Variants in GLI2 observed in about 807,000 individuals in gnomAD.
GLI2 encodes the protein transcription activator GLI2.
Under a neutral mutation model 78.9 loss-of-function variants are expected in GLI2, and 22 were observed. The observed-to-expected ratio is 0.28, with a 90% CI of 0.20 to 0.40. The LOEUF (loss-of-function observed/expected upper bound fraction) is 0.40, where lower values mean the gene tolerates loss of function less well. GLI2 is among the 10% of genes least tolerant of loss of function. The pLI is 1.00. For synonymous variants in GLI2, 974 were observed against 963.7 expected (o/e 1.01, Z -0.20); for missense variants, 2,097 against 2,213.2 (o/e 0.95, Z 1.05).
intron 3 of GLI2, among the ~76,000 whole-genome samples, chr2:120,948,228 A>G (rs897341204): frequency 6.6e-6 from 1 of 152,262 alleles, no homozygotes; most frequent in East Asian, 1.9e-4. Context: ...GGTCAAGTGC[A>G]GTGGTTGGTT....
At chr2:120,840,660 C>T (rs1260778646) in intron 2 of GLI2, among the ~76,000 whole-genome samples, 2 of 152,180 alleles carry the variant, frequency 1.3e-5, no homozygotes, top group Non-Finnish European at 2.9e-5. Context: ...TACAAACACT[C>T]AGAAGATACT....
chr2:120,915,732 A>G (rs976983862), intron 2 of GLI2, among the ~76,000 whole-genome samples: 1 of 152,118 alleles, frequency 6.6e-6, no homozygotes, highest in African/African-American at 2.4e-5. Context: ...CTCCCTAGCA[A>G]GGGGAGAAAG....
In GLI2 at chr2:120,990,173, C is replaced by T. The variant is rs370136073; in HGVS notation, c.4208C>T (p.Ala1403Val). 1.2e-5 allele frequency: 20 copies of T among 1,612,508 alleles called. No homozygotes were observed. Among genetic ancestry groups the T allele is most frequent in the Admixed American group, 5.0e-5 (3 of 59,986 alleles). Residue 1403 changes from alanine (A) to valine (V), a missense_variant, in exon 14 of 14, where the codon GCG becomes GTG. This residue lies in a region of GLI2 where 1,290 missense variants were observed against 1,261.7 expected (regional missense o/e 1.02). Coordinates refer to ENST00000361492, the MANE Select transcript of GLI2 (RefSeq NM_001374353.1). ...QETAEAVPKG[A>V]MGNMGSVPPQ... ...ACAGCAGAGGCTGTGCCCAAGGGAG[C>T]GATGGGCAACATGGGGTCGGTGCCT... is the stretch of plus-strand genomic sequence containing the variant.
chr2:120,904,514 C>T (rs1678421368), intron 2 of GLI2, among the ~76,000 whole-genome samples: 1 of 152,166 alleles, frequency 6.6e-6, no homozygotes, highest in African/African-American at 2.4e-5. Flanking sequence ...CTCCTGGGTG[C>T]AGGACAGGGT....
chr2:120,791,673 A>G (rs1684162484), intron 1 of GLI2, among the ~76,000 whole-genome samples: 1 of 152,110 alleles, frequency 6.6e-6, no homozygotes, highest in Non-Finnish European at 1.5e-5. Context: ...TGCATGTGTG[A>G]GTGTTCATGT....
intron 2 of GLI2, among the ~76,000 whole-genome samples, chr2:120,798,444 A>G (rs556187129): frequency 6.6e-6 from 1 of 152,294 alleles, no homozygotes; most frequent in South Asian, 2.1e-4. Context: ...GGAACATGGA[A>G]AGACCCTCGG....
At chr2:120,832,916 G>A (rs1027303953) in intron 2 of GLI2, among the ~76,000 whole-genome samples, 8 of 152,036 alleles carry the variant, frequency 5.3e-5, no homozygotes, top group African/African-American at 1.4e-4. Flanking sequence ...TTCCTCAGCC[G>A]GGTGCTGGCC....
intron 2 of GLI2, among the ~76,000 whole-genome samples, chr2:120,887,809 G>A (rs2104738456): frequency 6.6e-6 from 1 of 152,340 alleles, no homozygotes; most frequent in South Asian, 2.1e-4. Context: ...AGGAAGGGGA[G>A]CGCTAATACC....
At chr2:120,956,321 G>C (rs1185612994) in intron 5 of GLI2, among the ~76,000 whole-genome samples, 1 of 152,104 alleles carries the variant, frequency 6.6e-6, no homozygotes, top group East Asian at 1.9e-4. Context: ...TATAGGTGGG[G>C]CCCTCATGGA....
At chr2:120,834,935 C>A (rs1455546816) in intron 2 of GLI2, among the ~76,000 whole-genome samples, 1 of 152,164 alleles carries the variant, frequency 6.6e-6, no homozygotes, top group Non-Finnish European at 1.5e-5. Context: ...TGGGCTAAAC[C>A]CACATGGGTC....
chr2:120,945,418 C>T lies in GLI2; in HGVS notation c.255-5825C>T, dbSNP rs1341424914. Among the ~76,000 whole-genome samples the T allele has an allele frequency of 2.6e-5, 4 of 152,330 alleles. No homozygotes were observed. The East Asian group carries it at 7.7e-4, about 29-fold the overall frequency. On this transcript the variant is annotated intron_variant, in intron 3 of 13. Coordinates refer to ENST00000361492, the MANE Select transcript of GLI2 (RefSeq NM_001374353.1). ...CAGCTGCACCCTCCAGCCTCGGCCA[C>T]TGTGGGCAGGATGTCCAGGGACCCT...
intron 2 of GLI2, among the ~76,000 whole-genome samples, chr2:120,808,111 C>T (rs1685048140): frequency 6.6e-6 from 1 of 152,196 alleles, no homozygotes; most frequent in Non-Finnish European, 1.5e-5. Flanking sequence ...TCTGACTTTC[C>T]ATCTCGTTTT....
intron 2 of GLI2, among the ~76,000 whole-genome samples, chr2:120,812,807 G>A (rs938041796): frequency 2.0e-5 from 3 of 152,184 alleles, no homozygotes; most frequent in Non-Finnish European, 4.4e-5. Flanking sequence ...AACCTCTGGT[G>A]CTGGCCCAGG....
chr2:120,883,346 G>A (rs1364155737), intron 2 of GLI2, among the ~76,000 whole-genome samples: 1 of 152,112 alleles, frequency 6.6e-6, no homozygotes, highest in Non-Finnish European at 1.5e-5. Flanking sequence ...AATTAGCCGA[G>A]CATGGTGGCA....
At chr2:120,898,020 G>A (rs963854411) in intron 2 of GLI2, among the ~76,000 whole-genome samples, 2 of 152,038 alleles carry the variant, frequency 1.3e-5, no homozygotes, top group African/African-American at 2.4e-5. Flanking sequence ...CCGTTCAGAG[G>A]AGTTGATACA....
chr2:120,942,968 G>A lies in GLI2; in HGVS notation c.255-8275G>A, dbSNP rs148759346. On this transcript the variant is annotated intron_variant, in intron 3 of 13. Transcript: ENST00000361492. Reference sequence around the variant, plus strand: ...CTCACTCATTCATTCATTCGTTCACGCCCTCACTCACTCATTCATTCATTC... The same window carrying A: ...CTCACTCATTCATTCATTCGTTCACACCCTCACTCACTCATTCATTCATTC... 1.2e-3 allele frequency among the ~76,000 whole-genome samples: 171 copies of A among 145,068 alleles called. 2 individuals carry two copies. Among genetic ancestry groups the A allele is most frequent in the African/African-American group, 4.6e-3 (161 of 35,182 alleles).
At chr2:120,949,229 C>T (rs1015955371) in intron 3 of GLI2, among the ~76,000 whole-genome samples, 4 of 152,216 alleles carry the variant, frequency 2.6e-5, no homozygotes, top group African/African-American at 4.8e-5. Context: ...TTAAGCCCTC[C>T]GCATTTCATG....
At chr2:120,971,376 C>G (rs979816922) in intron 7 of GLI2, among the ~76,000 whole-genome samples, 2 of 152,232 alleles carry the variant, frequency 1.3e-5, no homozygotes, top group Admixed American at 1.3e-4. Context: ...GTGGCTACAC[C>G]CTTGGAAGGA....
chr2:120,915,476 G>A (rs1002353962), intron 2 of GLI2, among the ~76,000 whole-genome samples: 7 of 152,204 alleles, frequency 4.6e-5, no homozygotes, highest in Admixed American at 3.9e-4. Flanking sequence ...GTGGGGTGGT[G>A]GCTGGGCATC....
Sources: gnomAD v4.1 joint callset for allele counts (sites outside exome capture counted in the v4.1 genomes callset) on GRCh38, gnomAD v4.1.1 for gene constraint, gnomAD v4.1.1 regional missense constraint, MANE v1.5 for transcripts, NCBI Gene and HGNC (gene_info 2026-07-23, HGNC 2026-07-21) for gene names.